The following LRRC37A2 variants were observed in gnomAD, a reference collection of about 807,000 sequenced individuals.
The protein encoded by LRRC37A2 is leucine rich repeat containing 37 member A2.
A neutral mutation model predicts 68.8 loss-of-function variants in LRRC37A2; 9 were observed. That is an observed-to-expected ratio of 0.13 (90% CI 0.08 to 0.23). The LOEUF is 0.23. LRRC37A2 is among the 10% of genes least tolerant of loss of function. The pLI, the probability that LRRC37A2 is intolerant of heterozygous loss-of-function variation, is 1.00. For synonymous variants in LRRC37A2, 63 were observed against 367.6 expected (o/e 0.17, Z 9.48); for missense variants, 168 against 950.4 (o/e 0.18, Z 10.82).
the LRRC37A2 span, among the ~76,000 whole-genome samples, chr17:46,775,353 G>A: frequency 6.6e-6 from 1 of 152,156 alleles, no homozygotes. Context: ...GCTTGATGTT[G>A]GCCTTGGCCA....
the LRRC37A2 span, among the ~76,000 whole-genome samples, chr17:46,826,911 G>A: frequency 6.6e-6 from 1 of 151,736 alleles, no homozygotes; most frequent in African/African-American, 2.4e-5. Context: ...CTCCTAGCTG[G>A]GACTACAGAT....
At chr17:46,823,107 A>ATT in the LRRC37A2 span, among the ~76,000 whole-genome samples, 2 of 127,144 alleles carry the variant, frequency 1.6e-5, no homozygotes, top group Non-Finnish European at 3.2e-5. Flanking sequence ...TATAATAAAC[A>ATT]CATATATTAT....
chr17:46,779,701 GC>G, the LRRC37A2 span, among the ~76,000 whole-genome samples: 1 of 152,194 alleles, frequency 6.6e-6, no homozygotes, highest in South Asian at 2.1e-4. Context: ...CCCTGATAAC[GC>G]CTGCTGTGGC....
chr17:46,869,996 CAA>C, the LRRC37A2 span, among the ~76,000 whole-genome samples: 2 of 143,252 alleles, frequency 1.4e-5, no homozygotes, highest in African/African-American at 5.1e-5. Context: ...AAGACTGTCT[CAA>C]AAAAAAAAAT....
chr17:47,019,001 A>G, the LRRC37A2 span: 1 of 1,490,218 alleles, frequency 6.7e-7, no homozygotes, highest in East Asian at 2.3e-5. Context: ...ATCCAGTGTC[A>G]CCCAGCGTTA....
At chr17:46,854,123 G>T in the LRRC37A2 span, among the ~76,000 whole-genome samples, 10 of 152,170 alleles carry the variant, frequency 6.6e-5, no homozygotes, top group African/African-American at 2.4e-4. Flanking sequence ...GATGCTCAGA[G>T]AATCAGCTAA....
At chr17:46,864,179 T>C in the LRRC37A2 span, among the ~76,000 whole-genome samples, 16 of 152,188 alleles carry the variant, frequency 1.1e-4, no homozygotes, top group Non-Finnish European at 1.9e-4. Flanking sequence ...AGGTAGTTAG[T>C]TGGTCAATGC....
At chr17:46,966,683 C>A in the LRRC37A2 span, 1 of 530,824 alleles carries the variant, frequency 1.9e-6, no homozygotes, top group African/African-American at 1.9e-5. Context: ...TGGATTTGAA[C>A]TCTGGTTCTA....
At chr17:46,856,969 T>A in the LRRC37A2 span, among the ~76,000 whole-genome samples, 1 of 152,206 alleles carries the variant, frequency 6.6e-6, no homozygotes, top group East Asian at 1.9e-4. Flanking sequence ...TCAGTCACTA[T>A]GTGTTAGTTT....
At chr17:46,849,318 A>G in the LRRC37A2 span, among the ~76,000 whole-genome samples, 1 of 152,194 alleles carries the variant, frequency 6.6e-6, no homozygotes, top group South Asian at 2.1e-4. Context: ...AAATTTTGAA[A>G]AGGTGTCACT....
chr17:47,040,089 A>G, the LRRC37A2 span, among the ~76,000 whole-genome samples: 13 of 151,792 alleles, frequency 8.6e-5, no homozygotes, highest in African/African-American at 3.1e-4. Flanking sequence ...TTAGTTCTCT[A>G]GTCTACAGAA....
At chr17:46,941,080 T>C in the LRRC37A2 span, 1 of 1,064,556 alleles carries the variant, frequency 9.4e-7, no homozygotes, top group African/African-American at 1.6e-5. Context: ...ACCTTGTACA[T>C]GAGTTTGGTG....
chr17:46,796,153 G>A, the LRRC37A2 span, among the ~76,000 whole-genome samples: 5 of 152,134 alleles, frequency 3.3e-5, no homozygotes, highest in Non-Finnish European at 5.9e-5. Flanking sequence ...CCATTACCAC[G>A]TTTCCTTGGG....
At chr17:46,503,219 AAAAAAAAT>A in the LRRC37A2 span, among the ~76,000 whole-genome samples, 1 of 131,102 alleles carries the variant, frequency 7.6e-6, no homozygotes. Flanking sequence ...CTCAAAAAAA[AAAAAAAAT>A]AGTCTTCATT....
chr17:46,657,401 A>G, the LRRC37A2 span, among the ~76,000 whole-genome samples: 1 of 152,238 alleles, frequency 6.6e-6, no homozygotes, highest in African/African-American at 2.4e-5. Flanking sequence ...AGGTTTCAAG[A>G]GACTTGGAGT....
chr17:46,890,350 T>C, the LRRC37A2 span, among the ~76,000 whole-genome samples: 1 of 152,302 alleles, frequency 6.6e-6, no homozygotes, highest in Non-Finnish European at 1.5e-5. Context: ...GTGAGTCCCC[T>C]GGTGGGCTTT....
the LRRC37A2 span, among the ~76,000 whole-genome samples, chr17:46,844,495 T>C: frequency 1.3e-5 from 2 of 152,164 alleles, no homozygotes; most frequent in African/African-American, 4.8e-5. Flanking sequence ...GAGCACTTCC[T>C]GTAAACTTAT....
the LRRC37A2 span, among the ~76,000 whole-genome samples, chr17:46,725,980 C>T: frequency 1.3e-5 from 2 of 152,202 alleles, no homozygotes; most frequent in Non-Finnish European, 2.9e-5. Context: ...ATTTCATTCT[C>T]ATTTTCTTGA....
chr17:46,969,020 C>T, the LRRC37A2 span: 1 of 153,024 alleles, frequency 6.5e-6, no homozygotes, highest in Non-Finnish European at 1.5e-5. Flanking sequence ...TCACCGTGGA[C>T]CTGCTCTGCT....
Sources: allele counts gnomAD v4.1 joint callset (sites outside exome capture counted in the v4.1 genomes callset), GRCh38; gene constraint gnomAD v4.1.1; transcripts MANE v1.5; gene names NCBI Gene and HGNC (gene_info 2026-07-23, HGNC 2026-07-21).